The following CHRM2 variants were observed in gnomAD, a reference collection of about 807,000 sequenced individuals.
CHRM2 encodes the protein cholinergic receptor muscarinic 2.
In CHRM2, 8 loss-of-function variants were observed where a neutral mutation model predicts 25.0. The observed-to-expected ratio is 0.32, with a 90% CI of 0.19 to 0.58. CHRM2 has a LOEUF of 0.58. CHRM2 is among the 20% of genes least tolerant of loss of function. The pLI, the probability that CHRM2 is intolerant of heterozygous loss-of-function variation, is 0.88. For synonymous variants in CHRM2, 202 were observed against 205.7 expected (o/e 0.98, Z 0.15); for missense variants, 440 against 567.1 (o/e 0.78, Z 2.28).
At chr7:136,870,710 C>G (rs1257103997) in intron 2 of CHRM2, 4 of 152,486 alleles carry the variant, frequency 2.6e-5, no homozygotes, top group African/African-American at 7.2e-5. Flanking sequence ...GTAAAGCCAG[C>G]AGAACTGTCG....
At chr7:136,946,870 T>A (rs1253640995) in intron 2 of CHRM2, among the ~76,000 whole-genome samples, 1 of 152,162 alleles carries the variant, frequency 6.6e-6, no homozygotes, top group African/African-American at 2.4e-5. Context: ...GGCCACTTTC[T>A]GACTCTGTGG....
At chr7:136,966,170 T>C (rs543017173) in intron 2 of CHRM2, among the ~76,000 whole-genome samples, 22 of 112,674 alleles carry the variant, frequency 2.0e-4, no homozygotes, top group Non-Finnish European at 2.7e-4. Flanking sequence ...CTCCTAAATG[T>C]TTGTCTTCTG....
chr7:136,927,854 G>T (rs1292721830), intron 2 of CHRM2, among the ~76,000 whole-genome samples: 1 of 152,088 alleles, frequency 6.6e-6, no homozygotes. Flanking sequence ...CATGTCATAA[G>T]GATATTTAAG....
chr7:137,016,373 AT>A lies in CHRM2; in HGVS notation c.*109del. The stretch of plus-strand genomic sequence containing the variant: ...CTCTGCCATTGCACTTTATAGTCTG[AT>A]TACAAAACGTGCAATTCAGGAGCCC... On this transcript the variant is annotated 3_prime_UTR_variant, in exon 4 of 4. Coordinates refer to ENST00000680005, the MANE Select transcript of CHRM2 (RefSeq NM_001006630.2). 1 of 1,215,140 alleles carries A rather than the reference AT, an allele frequency of 8.2e-7. No homozygotes were observed. The highest frequency in any genetic ancestry group is 1.2e-6 in the Non-Finnish European group (1 of 840,244). The allele number at this position is 1,215,140 out of a possible 1,614,324, so 75.3% of individuals were successfully genotyped here.
intron 2 of CHRM2, among the ~76,000 whole-genome samples, chr7:136,946,962 T>C (rs1343808107): frequency 6.6e-6 from 1 of 152,218 alleles, no homozygotes; most frequent in Non-Finnish European, 1.5e-5. Flanking sequence ...TTGCTGTTAC[T>C]TTCCCAGGTA....
At chr7:136,950,502 A>G (rs1025183357) in intron 2 of CHRM2, among the ~76,000 whole-genome samples, 1 of 152,168 alleles carries the variant, frequency 6.6e-6, no homozygotes, top group African/African-American at 2.4e-5. Flanking sequence ...ATGGTGCCTG[A>G]GGCTTTCCCA....
At chr7:136,920,112 AC>A (rs1165396843) in intron 2 of CHRM2, among the ~76,000 whole-genome samples, 4 of 152,042 alleles carry the variant, frequency 2.6e-5, no homozygotes, top group Non-Finnish European at 5.9e-5. Context: ...TGACATTTCA[AC>A]CTTAATGAAA....
chr7:136,888,492 G>C (rs1019332211), intron 2 of CHRM2, among the ~76,000 whole-genome samples: 5 of 152,184 alleles, frequency 3.3e-5, no homozygotes, highest in Admixed American at 2.0e-4. Context: ...ATGTGAATAG[G>C]AATAACATTT....
chr7:136,963,102 GAAA>G (rs901555239), intron 2 of CHRM2, among the ~76,000 whole-genome samples: 5 of 151,618 alleles, frequency 3.3e-5, no homozygotes, highest in Admixed American at 1.3e-4. Flanking sequence ...ACTGAGAGAA[GAAA>G]AAAAGAGAGA....
rs1185565810 is a variant in CHRM2 at position 137,017,886 on chromosome 7, T to C, written c.*1620T>C. 1.2e-4 allele frequency: 18 copies of C among 151,936 alleles called. No homozygotes were observed. Among genetic ancestry groups the C allele is most frequent in the Admixed American group, 1.2e-3 (18 of 15,194 alleles). 9.4% of individuals were successfully genotyped at this position (151,936 alleles called of 1,614,324 possible). A position where few individuals can be genotyped will look rare whatever the true frequency, so the allele number is the denominator to read the frequency against. ...TTTTATTTGGTCGTCTAAATAAATATAGGATTAGGATTATACGGATTCACA... is the reference window on the plus strand; with the variant it reads ...TTTTATTTGGTCGTCTAAATAAATACAGGATTAGGATTATACGGATTCACA... On this transcript the variant is annotated 3_prime_UTR_variant, in exon 4 of 4. Transcript: ENST00000680005.
chr7:136,875,025 T>G (rs1037156459), intron 2 of CHRM2, among the ~76,000 whole-genome samples: 2 of 93,464 alleles, frequency 2.1e-5, no homozygotes, highest in African/African-American at 1.1e-4. Context: ...TCTTGCTGAA[T>G]ATATATATAT....
At chr7:136,900,513 G>A (rs532851912) in intron 2 of CHRM2, among the ~76,000 whole-genome samples, 1 of 152,020 alleles carries the variant, frequency 6.6e-6, no homozygotes, top group African/African-American at 2.4e-5. Context: ...CAGAAACAAG[G>A]CTCACTTCTA....
At position 136,939,818 on chromosome 7, in the gene CHRM2, T is replaced by G. The variant is rs556657352; in HGVS notation, c.-124-52369T>G. ...GAAGCTTCACAGGAGCAAGTATGCT[T>G]GTAATGAAAATTAAATATTGTGAAA... On this transcript the variant is annotated intron_variant, in intron 2 of 3. Transcript: ENST00000680005. Among the ~76,000 whole-genome samples the G allele has an allele frequency of 6.6e-5, 10 of 152,362 alleles. No individual in the cohort carries two copies. In the South Asian group the frequency reaches 1.7e-3, roughly 25 times the overall value.
chr7:136,958,050 G>A (rs1800827727), intron 2 of CHRM2, among the ~76,000 whole-genome samples: 1 of 152,196 alleles, frequency 6.6e-6, no homozygotes, highest in African/African-American at 2.4e-5. Flanking sequence ...TGGAAACATA[G>A]TTTGAAACTG....
intron 2 of CHRM2, among the ~76,000 whole-genome samples, chr7:136,955,513 T>C (rs1237061639): frequency 6.6e-6 from 1 of 152,118 alleles, no homozygotes; most frequent in African/African-American, 2.4e-5. Flanking sequence ...TTCGTCAAAT[T>C]CCAGCCATGA....
At chr7:136,997,241 G>A (rs1803666696) in intron 3 of CHRM2, among the ~76,000 whole-genome samples, 1 of 152,192 alleles carries the variant, frequency 6.6e-6, no homozygotes, top group African/African-American at 2.4e-5. Context: ...TGTGTAGGAA[G>A]ATAAACAAGA....
intron 2 of CHRM2, among the ~76,000 whole-genome samples, chr7:136,959,656 T>C (rs1800945570): frequency 6.6e-6 from 1 of 152,178 alleles, no homozygotes; most frequent in Non-Finnish European, 1.5e-5. Context: ...CTCACACCTG[T>C]AATCCCAATA....
intron 2 of CHRM2, among the ~76,000 whole-genome samples, chr7:136,886,469 A>G (rs929617829): frequency 1.3e-5 from 2 of 152,204 alleles, no homozygotes; most frequent in African/African-American, 4.8e-5. Flanking sequence ...AGTGTACTTC[A>G]AAGTGTAATT....
Position 136,887,956 on chromosome 7 carries a change from C to G in CHRM2, c.-125+18538C>G, listed in dbSNP as rs199830897. ...ACCGAGAAAACCTCAGCTCGGGAAT[C>G]TTTGGGAAGGCAGAACTGGAGGAAA... On this transcript the variant is annotated intron_variant, in intron 2 of 3. Coordinates refer to ENST00000680005, the MANE Select transcript of CHRM2 (RefSeq NM_001006630.2). 3.3e-5 allele frequency among the ~76,000 whole-genome samples: 5 copies of G among 152,144 alleles called. No individual in the cohort carries two copies. The East Asian group carries it at 9.7e-4, about 29-fold the overall frequency.
Sources: allele counts gnomAD v4.1 joint callset (sites outside exome capture counted in the v4.1 genomes callset), GRCh38; gene constraint gnomAD v4.1.1; transcripts MANE v1.5; gene names NCBI Gene and HGNC (gene_info 2026-07-23, HGNC 2026-07-21).